Variants in ASB4 observed in about 807,000 individuals in gnomAD.
ASB4 encodes the protein ankyrin repeat and SOCS box containing 4, also known as ankyrin repeat and SOCS box protein 4.
ASB4 carries 35 observed loss-of-function variants against 38.6 expected under a neutral mutation model. The ratio of observed to expected loss-of-function variants is 0.91; its 90% CI spans 0.69 to 1.20. The LOEUF is 1.20. ASB4 is among the 50% of genes most tolerant of loss of function. The pLI is 0.00. For missense variants in ASB4, 557 were observed against 527.2 expected (o/e 1.06, Z -0.55); for synonymous variants, 195 against 201.3 (o/e 0.97, Z 0.26).
intron 2 of ASB4, among the ~76,000 whole-genome samples, chr7:95,514,030 G>C (rs139976883): frequency 1.3e-5 from 2 of 152,276 alleles, no homozygotes; most frequent in East Asian, 3.9e-4. Flanking sequence ...CAGGTCAGCT[G>C]TGCACTCACA....
At chr7:95,523,682 T>A (rs147992028) in intron 2 of ASB4, among the ~76,000 whole-genome samples, 15 of 152,310 alleles carry the variant, frequency 9.8e-5, no homozygotes, top group African/African-American at 3.6e-4. Context: ...GGGGAATTTA[T>A]TCCAAGGAAA....
the ASB4 span, among the ~76,000 whole-genome samples, chr7:95,546,154 A>G: frequency 1.3e-5 from 2 of 152,188 alleles, no homozygotes; most frequent in South Asian, 2.1e-4. Context: ...CTTTTAATAA[A>G]TTGCAATTAT....
At chr7:95,534,616 G>A (rs541744005) in intron 3 of ASB4, among the ~76,000 whole-genome samples, 5 of 152,046 alleles carry the variant, frequency 3.3e-5, no homozygotes, top group East Asian at 3.9e-4. Flanking sequence ...CTCTGCCCTC[G>A]ATGCACTTGT....
intron 2 of ASB4, among the ~76,000 whole-genome samples, chr7:95,522,326 G>A (rs183701086): frequency 6.6e-6 from 1 of 152,144 alleles, no homozygotes; most frequent in East Asian, 1.9e-4. Context: ...TGCTCGTGGT[G>A]TTTGAATTAC....
chr7:95,483,821 C>T (rs193228845), upstream of ASB4, among the ~76,000 whole-genome samples: 62 of 152,156 alleles, frequency 4.1e-4, no homozygotes, highest in African/African-American at 1.4e-3. Context: ...AGAATCATAA[C>T]AATAGCATAA....
At chr7:95,521,067 G>T (rs1309275115) in intron 2 of ASB4, among the ~76,000 whole-genome samples, 1 of 152,038 alleles carries the variant, frequency 6.6e-6, no homozygotes, top group East Asian at 1.9e-4. Flanking sequence ...TGAAAGAATT[G>T]CCATCTTTAC....
rs892074229 is a variant in ASB4, at chr7:95,507,015, T to C, written c.487+10958T>C. Among the ~76,000 whole-genome samples the C allele has an allele frequency of 4.6e-5, 7 of 152,292 alleles. No individual in the cohort carries two copies. In the East Asian group the frequency reaches 1.3e-3, roughly 29 times the overall value. Reference sequence around the variant, plus strand: ...AGGTTGTTTTTCTCTGTTTTTATTGTCTCTGTCAACTATATTAGAGGTTTT... The same window carrying C: ...AGGTTGTTTTTCTCTGTTTTTATTGCCTCTGTCAACTATATTAGAGGTTTT... On this transcript the variant is annotated intron_variant, in intron 2 of 4. Transcript: ENST00000325885.
At chr7:95,495,602 C>T (rs1289991813) in intron 1 of ASB4, among the ~76,000 whole-genome samples, 156 bp from the exon 2 acceptor site, 1 of 152,102 alleles carries the variant, frequency 6.6e-6, no homozygotes, top group African/African-American at 2.4e-5. Flanking sequence ...GCTTGCAGAC[C>T]CATTAGCTAT....
chr7:95,531,939 T>C (rs1313197051), intron 3 of ASB4, among the ~76,000 whole-genome samples: 1 of 152,212 alleles, frequency 6.6e-6, no homozygotes, highest in Non-Finnish European at 1.5e-5. Context: ...TGAGTTCCTT[T>C]AGTTTGGCTG....
At chr7:95,533,734 A>G (rs150330277) in intron 3 of ASB4, among the ~76,000 whole-genome samples, 3 of 152,290 alleles carry the variant, frequency 2.0e-5, no homozygotes, top group Admixed American at 6.5e-5. Flanking sequence ...TTTGGTCTTA[A>G]ATCTCTGAAA....
intron 2 of ASB4, among the ~76,000 whole-genome samples, chr7:95,500,884 G>A (rs942028363): frequency 3.3e-5 from 5 of 152,202 alleles, no homozygotes; most frequent in East Asian, 1.9e-4. Context: ...GCTCTTCTTC[G>A]CTTTTGCAGC....
At chr7:95,511,241 A>C (rs538311515) in intron 2 of ASB4, among the ~76,000 whole-genome samples, 1 of 152,166 alleles carries the variant, frequency 6.6e-6, no homozygotes, top group African/African-American at 2.4e-5. Context: ...CATTTTGTTG[A>C]CAGCCCGCCC....
intron 2 of ASB4, among the ~76,000 whole-genome samples, chr7:95,515,792 T>C (rs944162243): frequency 2.0e-5 from 3 of 152,238 alleles, no homozygotes; most frequent in African/African-American, 7.2e-5. Flanking sequence ...TCCTTACTTA[T>C]TATCAAAGAT....
At chr7:95,511,206 G>C (rs1360519288) in intron 2 of ASB4, among the ~76,000 whole-genome samples, 2 of 152,058 alleles carry the variant, frequency 1.3e-5, no homozygotes, top group African/African-American at 2.4e-5. Context: ...AATAACGGTG[G>C]ACCCCTCTCT....
At chr7:95,515,351 TTTTC>T (rs1322839287) in intron 2 of ASB4, among the ~76,000 whole-genome samples, 17 of 135,066 alleles carry the variant, frequency 1.3e-4, no homozygotes, top group East Asian at 2.2e-4. Context: ...CTTTCTTTCT[TTTTC>T]TTTCTTTCTT....
rs1308765283 is a variant in ASB4 at position 95,535,031 on chromosome 7, AAC to A, written c.979-1398_979-1397del. The stretch of plus-strand genomic sequence containing the variant: ...CATCCAGGTTGGCCTCTTTACTGTC[AAC>A]ACACACAGACACACTCACTCACACA... On this transcript the variant is annotated intron_variant, in intron 3 of 4. Coordinates refer to ENST00000325885, the MANE Select transcript of ASB4 (RefSeq NM_016116.3). 2.0e-5 allele frequency among the ~76,000 whole-genome samples: 3 copies of A among 152,170 alleles called. No individual in the cohort carries two copies. The East Asian group carries it at 5.8e-4, about 29-fold the overall frequency.
At chr7:95,551,000 A>G in the ASB4 span, among the ~76,000 whole-genome samples, 1 of 152,200 alleles carries the variant, frequency 6.6e-6, no homozygotes, top group Non-Finnish European at 1.5e-5. Context: ...GCGTTTTTAA[A>G]TAAAAGTCTC....
At chr7:95,495,482 G>C (rs1790231601) in intron 1 of ASB4, among the ~76,000 whole-genome samples, 1 of 152,054 alleles carries the variant, frequency 6.6e-6, no homozygotes, top group South Asian at 2.1e-4. Flanking sequence ...GACCTAGAAA[G>C]GTAAAGTAAA....
intron 2 of ASB4, among the ~76,000 whole-genome samples, chr7:95,506,802 A>T (rs1312243648): frequency 6.6e-6 from 1 of 150,440 alleles, no homozygotes; most frequent in Non-Finnish European, 1.5e-5. Context: ...CTTGTCTATC[A>T]GTTCTGAAAA....
Sources: gnomAD v4.1 joint callset for allele counts (sites outside exome capture counted in the v4.1 genomes callset) on GRCh38, gnomAD v4.1.1 for gene constraint, MANE v1.5 for transcripts, NCBI Gene and HGNC (gene_info 2026-07-23, HGNC 2026-07-21) for gene names.